ANXA3: variants seen among roughly 807,000 people sequenced by gnomAD.
ANXA3 encodes annexin A3, also known as 35-alpha calcimedin.
In ANXA3, 46 loss-of-function variants were observed where a neutral mutation model predicts 48.8. That is an observed-to-expected ratio of 0.94 (90% confidence interval 0.74 to 1.21). The LOEUF (loss-of-function observed/expected upper bound fraction) is 1.21, where lower values mean the gene tolerates loss of function less well. ANXA3 is among the 50% of genes most tolerant of loss of function. The probability of loss-of-function intolerance (pLI) is 0.00; values close to 1 mark genes in which losing one functional copy is unlikely to be tolerated. For missense variants in ANXA3, 383 were observed against 378.6 expected (o/e 1.01, Z -0.10); for synonymous variants, 128 against 134.7 (o/e 0.95, Z 0.35).
intron 2 of ANXA3, among the ~76,000 whole-genome samples, chr4:78,560,141 T>C (rs1402834111): frequency 6.6e-6 from 1 of 152,130 alleles, no homozygotes; most frequent in Non-Finnish European, 1.5e-5. Flanking sequence ...AACACATATA[T>C]ATTTCTAAAG....
intron 12 of ANXA3, among the ~76,000 whole-genome samples, chr4:78,607,580 A>G (rs1723677218): frequency 6.6e-6 from 1 of 152,208 alleles, no homozygotes; most frequent in South Asian, 2.1e-4. Context: ...TTCTGTATTT[A>G]TTTAATAAAT....
chr4:78,604,251 T>C (rs1723602003), intron 11 of ANXA3, 26 bp from the exon 12 acceptor site: 1 of 1,582,318 alleles, frequency 6.3e-7, no homozygotes, highest in Admixed American at 1.7e-5. Flanking sequence ...GACATTTGTG[T>C]TGTGAACACC....
At chr4:78,594,295 G>C (rs1030076592) in intron 7 of ANXA3, among the ~76,000 whole-genome samples, 1 of 127,234 alleles carries the variant, frequency 7.9e-6, no homozygotes, top group Non-Finnish European at 1.6e-5. Context: ...CTGCTGAAAG[G>C]CATCTTCTTT....
chr4:78,601,465 A>G (rs751217948), intron 10 of ANXA3, 45 bp from the exon 11 acceptor site: 2 of 1,580,646 alleles, frequency 1.3e-6, no homozygotes, highest in Non-Finnish European at 1.7e-6. Context: ...AGATTAACCC[A>G]ATTTCTATTC....
intron 2 of ANXA3, among the ~76,000 whole-genome samples, chr4:78,559,499 A>G (rs561983192): frequency 3.3e-5 from 5 of 152,356 alleles, no homozygotes; most frequent in Admixed American, 2.6e-4. Context: ...TTACAAAATG[A>G]GGAAAGGGAA....
intron 12 of ANXA3, among the ~76,000 whole-genome samples, chr4:78,608,212 A>T (rs1037705497): frequency 1.3e-5 from 2 of 152,184 alleles, no homozygotes; most frequent in Non-Finnish European, 2.9e-5. Flanking sequence ...GTGCTAAAAG[A>T]TCCTACAATA....
chr4:78,579,170 A>G (rs757000090), intron 4 of ANXA3, 49 bp downstream of exon 4: 7 of 1,328,442 alleles, frequency 5.3e-6, no homozygotes, highest in Admixed American at 1.7e-5. Flanking sequence ...TTAATGTACC[A>G]TGGTCGCTCC....
At chr4:78,606,236 G>T (rs74485238) in intron 12 of ANXA3, among the ~76,000 whole-genome samples, 2,676 of 152,306 alleles carry the variant, frequency 0.018, 73 homozygotes, top group African/African-American at 0.06. Context: ...ATTGGACCCA[G>T]GTGAACTCTC....
chr4:78,566,488 C>CAAAA (rs397777058), intron 2 of ANXA3, among the ~76,000 whole-genome samples: 1 of 141,482 alleles, frequency 7.1e-6, no homozygotes, highest in Non-Finnish European at 1.5e-5. Flanking sequence ...CACTCAGCCA[C>CAAAA]AAAAAAAAAA....
intron 2 of ANXA3, among the ~76,000 whole-genome samples, chr4:78,566,173 G>C (rs753182762): frequency 6.6e-6 from 1 of 152,084 alleles, no homozygotes; most frequent in Non-Finnish European, 1.5e-5. Flanking sequence ...AGGGGTCAAG[G>C]CTTCTTATTA....
chr4:78,605,829 A>G (rs1306313512), intron 12 of ANXA3, among the ~76,000 whole-genome samples: 1 of 152,266 alleles, frequency 6.6e-6, no homozygotes, highest in African/African-American at 2.4e-5. Context: ...CAAAAATTGT[A>G]CAAGAGGCTT....
At chr4:78,588,942 A>C (rs111313725) in intron 6 of ANXA3, among the ~76,000 whole-genome samples, 1 of 152,238 alleles carries the variant, frequency 6.6e-6, no homozygotes, top group African/African-American at 2.4e-5. Context: ...TACAAAACCC[A>C]TCAGAACCAG....
chr4:78,591,298 A>G (rs1426068009), intron 6 of ANXA3, among the ~76,000 whole-genome samples: 1 of 152,206 alleles, frequency 6.6e-6, no homozygotes, highest in Non-Finnish European at 1.5e-5. Flanking sequence ...GATGAAATAA[A>G]CCAAGATTTG....
chr4:78,595,209 T>A (rs1723392648), intron 7 of ANXA3, among the ~76,000 whole-genome samples, 172 bp from the exon 8 acceptor site: 2 of 152,138 alleles, frequency 1.3e-5, no homozygotes, highest in African/African-American at 4.8e-5. Flanking sequence ...TTGCTAAAAA[T>A]TTCATGACTA....
At chr4:78,591,140 G>C (rs898567670) in intron 6 of ANXA3, among the ~76,000 whole-genome samples, 1 of 152,214 alleles carries the variant, frequency 6.6e-6, no homozygotes, top group Non-Finnish European at 1.5e-5. Flanking sequence ...GGAAAGCTGA[G>C]AAAGTAGTTT....
intron 3 of ANXA3, among the ~76,000 whole-genome samples, chr4:78,578,342 G>C (rs1256366631): frequency 1.5e-5 from 1 of 65,702 alleles, no homozygotes; most frequent in Non-Finnish European, 3.6e-5. Context: ...AGGGAGGGAG[G>C]GAGGGAGGGA....
intron 2 of ANXA3, among the ~76,000 whole-genome samples, chr4:78,570,837 T>C (rs937771687): frequency 1.3e-5 from 2 of 152,168 alleles, no homozygotes; most frequent in African/African-American, 2.4e-5. Flanking sequence ...GTAGTTCTTT[T>C]ACAATGCCAG....
At position 78,560,736 on chromosome 4, in the gene ANXA3, C is replaced by G. The variant is rs1722610075; in HGVS notation, c.15+6248C>G. The stretch of plus-strand genomic sequence containing the variant: ...ATCTTTCTGGAGACCAGCCATCATT[C>G]TAAGGCTATCTAAGGGTCTACCATG... On this transcript the variant is annotated intron_variant, in intron 2 of 12. Coordinates refer to ENST00000264908, the MANE Select transcript of ANXA3 (RefSeq NM_005139.3). Among the ~76,000 whole-genome samples the G allele has an allele frequency of 2.6e-5, 4 of 152,314 alleles. No homozygotes were observed. The South Asian group carries it at 8.3e-4, about 32-fold the overall frequency.
At position 78,592,707 on chromosome 4, in the gene ANXA3, A is replaced by T. The variant is rs183655208; in HGVS notation, c.483+1084A>T. The stretch of plus-strand genomic sequence containing the variant: ...TAAAGCATTCATTTTCATATCTGTA[A>T]AACTAAAATACTAACAATAACAAGT... On this transcript the variant is annotated intron_variant, in intron 7 of 12. Transcript: ENST00000264908. 6.6e-5 allele frequency among the ~76,000 whole-genome samples: 10 copies of T among 152,326 alleles called. No individual in the cohort carries two copies. The East Asian group carries it at 1.7e-3, about 26-fold the overall frequency.
Sources: gnomAD v4.1 joint callset for allele counts (sites outside exome capture counted in the v4.1 genomes callset) on GRCh38, gnomAD v4.1.1 for gene constraint, MANE v1.5 for transcripts, NCBI Gene and HGNC (gene_info 2026-07-23, HGNC 2026-07-21) for gene names.